Variants in NRDC observed in about 807,000 individuals in gnomAD.
The protein encoded by NRDC is nardilysin convertase, also known as nardilysin.
Under a neutral mutation model 147.1 loss-of-function variants are expected in NRDC, and 54 were observed. The observed-to-expected ratio is 0.37, with a 90% CI of 0.29 to 0.46. The LOEUF is 0.46. NRDC is among the 20% of genes least tolerant of loss of function. The pLI is 1.00. For missense variants in NRDC, 1,082 were observed against 1,370.6 expected (o/e 0.79, Z 3.33); for synonymous variants, 440 against 482.1 (o/e 0.91, Z 1.14).
intron 15 of NRDC, 121 bp downstream of exon 15, chr1:51,811,873 C>CA: frequency 1.7e-6 from 1 of 579,858 alleles, no homozygotes; most frequent in East Asian, 2.9e-5. Flanking sequence ...TTTAAACAAA[C>CA]AAAAATCCTG....
At chr1:51,862,066 T>C (rs1180306098) in intron 1 of NRDC, 1 of 152,200 alleles carries the variant, frequency 6.6e-6, no homozygotes, top group East Asian at 1.9e-4. Flanking sequence ...TGAGTTATCA[T>C]AGGTAATTTG....
intron 10 of NRDC, among the ~76,000 whole-genome samples, chr1:51,817,797 C>T (rs11205894): frequency 1.3e-3 from 199 of 152,088 alleles, no homozygotes; most frequent in Non-Finnish European, 2.3e-3. Flanking sequence ...TTGACAAGAT[C>T]GAAACAAATT....
Position 51,825,212 on chromosome 1 carries a change from A to AAG in NRDC, c.1036+74_1036+75insCT. ...TAGGGACTCTAGCTTTATAATTTTCAATTCTTTATCAACTTTTCTTATTCT... is the reference window on the plus strand; with the variant it reads ...TAGGGACTCTAGCTTTATAATTTTCAAGATTCTTTATCAACTTTTCTTATTCT... On this transcript the variant is annotated intron_variant, in intron 6 of 30. Transcript: ENST00000352171. The AAG allele has an allele frequency of 3.9e-6, 4 of 1,023,710 alleles. No homozygotes were observed. In the South Asian group the frequency reaches 5.7e-5, roughly 15 times the overall value. The allele number at this position is 1,023,710 out of a possible 1,614,324, so 63.4% of individuals were successfully genotyped here.
intron 16 of NRDC, 131 bp from the exon 17 acceptor site, chr1:51,809,532 C>T (rs2149199496): frequency 1.4e-6 from 1 of 716,450 alleles, no homozygotes; most frequent in Non-Finnish European, 2.5e-6. Context: ...GACACATATC[C>T]AGGCATTCTA....
At chr1:51,840,677 GA>G (rs1681226357) in intron 1 of NRDC, among the ~76,000 whole-genome samples, 163 bp from the exon 2 acceptor site, 1 of 152,150 alleles carries the variant, frequency 6.6e-6, no homozygotes, top group Admixed American at 6.5e-5. Flanking sequence ...TCTGGAGAGG[GA>G]ACCCCAAAAG....
intron 11 of NRDC, 25 bp from the exon 12 acceptor site, chr1:51,814,838 CA>C: frequency 6.5e-7 from 1 of 1,549,828 alleles, no homozygotes; most frequent in Non-Finnish European, 8.7e-7. Context: ...AAAATTAACC[CA>C]ATCAATGTTC....
chr1:51,850,560 A>G lies in NRDC; in HGVS notation c.342-10046T>C, dbSNP rs1311294174. ...ACCTAGCTAGCCTTGGAAAGTAAACATGCAACTTAATAAGCAAGTAATAGT... is the reference window on the plus strand; with the variant it reads ...ACCTAGCTAGCCTTGGAAAGTAAACGTGCAACTTAATAAGCAAGTAATAGT... On this transcript the variant is annotated intron_variant, in intron 1 of 30. Coordinates refer to ENST00000352171, the MANE Select transcript of NRDC (RefSeq NM_001101662.2). Among the ~76,000 whole-genome samples, 4 of 152,232 alleles carry G rather than the reference A, an allele frequency of 2.6e-5. No homozygotes were observed. In the East Asian group the frequency reaches 7.7e-4, roughly 29 times the overall value.
At chr1:51,810,780 T>A (rs1319636981) in intron 15 of NRDC, among the ~76,000 whole-genome samples, 3 of 152,204 alleles carry the variant, frequency 2.0e-5, no homozygotes, top group African/African-American at 7.2e-5. Flanking sequence ...GATATACTTA[T>A]TTACACAAAA....
chr1:51,808,497 A>G (rs1222409137), intron 17 of NRDC, among the ~76,000 whole-genome samples: 2 of 152,248 alleles, frequency 1.3e-5, no homozygotes, highest in African/African-American at 4.8e-5. Context: ...ATTGTAAAGT[A>G]TGTATACATC....
chr1:51,847,082 C>A (rs1002301645), intron 1 of NRDC, among the ~76,000 whole-genome samples: 7 of 151,784 alleles, frequency 4.6e-5, no homozygotes, highest in Non-Finnish European at 8.8e-5. Context: ...TTCTCCAAGT[C>A]CCCACCAGAT....
At chr1:51,793,347 G>C (rs548886027) in intron 24 of NRDC, among the ~76,000 whole-genome samples, 7 of 152,318 alleles carry the variant, frequency 4.6e-5, no homozygotes, top group East Asian at 1.9e-4. Context: ...AGAAAGGCTA[G>C]GCTGTACCAT....
intron 1 of NRDC, among the ~76,000 whole-genome samples, chr1:51,858,835 GAAATTTACATCTAT>G (rs984191021): frequency 3.3e-5 from 5 of 152,152 alleles, no homozygotes; most frequent in Non-Finnish European, 5.9e-5. Flanking sequence ...TTCTGTAAAA[GAAATTTACATCTAT>G]AAAGGAAATC....
intron 17 of NRDC, among the ~76,000 whole-genome samples, chr1:51,807,470 G>T (rs965535426): frequency 6.6e-6 from 1 of 152,190 alleles, no homozygotes; most frequent in Non-Finnish European, 1.5e-5. Flanking sequence ...ACTTTAGAAG[G>T]CTGAAGCAGG....
At chr1:51,843,578 T>G (rs1335910613) in intron 1 of NRDC, among the ~76,000 whole-genome samples, 2 of 152,244 alleles carry the variant, frequency 1.3e-5, no homozygotes, top group Non-Finnish European at 2.9e-5. Context: ...CAACTCATTC[T>G]GAGTATCTCC....
chr1:51,836,465 G>C (rs1484725587), intron 2 of NRDC: 3 of 1,596,208 alleles, frequency 1.9e-6, no homozygotes, highest in Non-Finnish European at 2.6e-6. Context: ...GAAACAGACA[G>C]AAAAAAAGGG....
intron 1 of NRDC, among the ~76,000 whole-genome samples, chr1:51,845,889 G>T (rs11582490): frequency 6.6e-6 from 1 of 151,726 alleles, no homozygotes; most frequent in African/African-American, 2.4e-5. Context: ...GCCTGGAGGG[G>T]ACCTGATACA....
intron 18 of NRDC, among the ~76,000 whole-genome samples, chr1:51,806,389 T>C (rs939963102): frequency 1.3e-5 from 2 of 151,642 alleles, no homozygotes; most frequent in Non-Finnish European, 2.9e-5. Flanking sequence ...TCTGCTTTCA[T>C]TTAACTGAAA....
At chr1:51,794,701 CAAA>C in intron 23 of NRDC, 91 bp from the exon 24 acceptor site, 1 of 1,582,308 alleles carries the variant, frequency 6.3e-7, no homozygotes, top group Non-Finnish European at 8.6e-7. Context: ...ACACCAGCCT[CAAA>C]AAAATCTACT....
chr1:51,878,465 G>A lies in NRDC; in HGVS notation c.151C>T (p.Pro51Ser). ...GTAGACTTCGCCTTGTTCCTTCCAG[G>A]CATGGCCAGAATAGGAAAGGGTCTG... Reference protein sequence around the residue: ...AARPFPILAMPGRNKAKSTCS... With the variant: ...AARPFPILAMSGRNKAKSTCS... Residue 51 changes from proline to serine, a missense_variant, in exon 1 of 31, where the codon CCT (proline) becomes TCT (serine). Pro to Ser is a moderately conservative substitution (Grantham distance 74, BLOSUM62 -1). Around this residue, in one of 3 missense-constraint regions of NRDC, gnomAD observed 260 missense variants for 253.2 expected, o/e 1.03. Transcript: ENST00000352171. The A allele has an allele frequency of 6.2e-7, 1 of 1,613,920 alleles. No individual in the cohort carries two copies. Among genetic ancestry groups the A allele is most frequent in the Non-Finnish European group, 8.5e-7 (1 of 1,180,028 alleles).
Sources: gnomAD v4.1 joint callset for allele counts (sites outside exome capture counted in the v4.1 genomes callset) on GRCh38, gnomAD v4.1.1 for gene constraint, gnomAD v4.1.1 regional missense constraint, MANE v1.5 for transcripts, NCBI Gene and HGNC (gene_info 2026-07-23, HGNC 2026-07-21) for gene names.